The following FKBP9 variants were observed in gnomAD, a reference collection of about 807,000 sequenced individuals.
The protein encoded by FKBP9 is peptidyl-prolyl cis-trans isomerase FKBP9.
Under a neutral mutation model 55.6 loss-of-function variants are expected in FKBP9, and 27 were observed. The observed-to-expected ratio is 0.49, with a 90% confidence interval of 0.36 to 0.67. The LOEUF (loss-of-function observed/expected upper bound fraction) is 0.67, where lower values mean the gene tolerates loss of function less well. Ranked by LOEUF, FKBP9 falls within the 30% of genes least tolerant of loss-of-function variation. The pLI, the probability that FKBP9 is intolerant of heterozygous loss-of-function variation, is 0.00. For synonymous variants in FKBP9, 267 were observed against 296.5 expected, an observed-to-expected ratio of 0.90 and a Z score of 1.02; for missense variants, 539 against 742.8, an observed-to-expected ratio of 0.73 and a Z score of 3.19.
At chr7:33,004,359 C>T (rs917525518) in intron 9 of FKBP9, among the ~76,000 whole-genome samples, 2 of 152,126 alleles carry the variant, frequency 1.3e-5, no homozygotes, top group African/African-American at 4.8e-5. Flanking sequence ...ACTTTCTGCT[C>T]GCTGTAACCT....
At chr7:32,968,366 C>A (rs1326379277) in intron 1 of FKBP9, among the ~76,000 whole-genome samples, 2 of 152,074 alleles carry the variant, frequency 1.3e-5, no homozygotes, top group African/African-American at 4.8e-5. Context: ...GATAGGATTG[C>A]TAGATCATAC....
Position 33,006,275 on chromosome 7 carries a change from G to A in FKBP9, c.*924G>A, listed in dbSNP as rs1269974261. 8 of 188,896 alleles carry A rather than the reference G, an allele frequency of 4.2e-5. No homozygotes were observed. The highest frequency in any genetic ancestry group is 1.2e-4 in the African/African-American group (5 of 42,886). The allele number at this position is 188,896 out of a possible 1,614,324, so 11.7% of individuals were successfully genotyped here. A position where few individuals can be genotyped will look rare whatever the true frequency, so the allele number is the denominator to read the frequency against. On this transcript the variant is annotated 3_prime_UTR_variant, in exon 10 of 10. Coordinates refer to ENST00000242209, the MANE Select transcript of FKBP9 (RefSeq NM_007270.5). ...TGGGACTACAGGTGTGCACCACCAC[G>A]CCCGGCTAATTTTTGTATTTTTAGT... is the stretch of plus-strand genomic sequence containing the variant.
At chr7:32,970,133 C>A (rs1784224660) in intron 1 of FKBP9, among the ~76,000 whole-genome samples, 1 of 151,880 alleles carries the variant, frequency 6.6e-6, no homozygotes, top group Non-Finnish European at 1.5e-5. Flanking sequence ...ACATCTTAGC[C>A]ATATTAAGTC....
chr7:32,973,284 T>C (rs926397457), intron 1 of FKBP9, among the ~76,000 whole-genome samples: 4 of 152,182 alleles, frequency 2.6e-5, no homozygotes, highest in African/African-American at 9.7e-5. Context: ...ACAGCCATGA[T>C]TTCCTTATTT....
At chr7:32,971,751 T>C (rs1784258727) in intron 1 of FKBP9, among the ~76,000 whole-genome samples, 1 of 152,210 alleles carries the variant, frequency 6.6e-6, no homozygotes, top group African/African-American at 2.4e-5. Context: ...GAGTGTGAGA[T>C]TGAGATGGTC....
chr7:32,980,980 A>G lies in FKBP9; in HGVS notation c.893+427A>G, dbSNP rs147214583. ...ATTTCTTTCTTGGGGGCTGTTTTAGATGGTTCTGCAGGAAGACAGGAGAGA... is the reference window on the plus strand; with the variant it reads ...ATTTCTTTCTTGGGGGCTGTTTTAGGTGGTTCTGCAGGAAGACAGGAGAGA... On this transcript the variant is annotated intron_variant, in intron 5 of 9. Transcript: ENST00000242209. Among the ~76,000 whole-genome samples, 1,796 of 149,942 alleles carry G rather than the reference A, an allele frequency of 0.012. 122 individuals are homozygous for G. The East Asian group carries it at 0.2, about 17-fold the overall frequency.
At chr7:32,993,186 T>G (rs1223045292) in intron 6 of FKBP9, 1 of 232,274 alleles carries the variant, frequency 4.3e-6, no homozygotes, top group Admixed American at 5.6e-5. Flanking sequence ...CTTAGCTCAG[T>G]GTTAGAAGTT....
At chr7:32,987,790 C>T (rs1350855802) in intron 5 of FKBP9, among the ~76,000 whole-genome samples, 2 of 152,196 alleles carry the variant, frequency 1.3e-5, no homozygotes, top group East Asian at 3.9e-4. Context: ...TGTGCCACCA[C>T]ATCCAGCTAA....
At chr7:32,986,486 G>A (rs570706538) in intron 5 of FKBP9, among the ~76,000 whole-genome samples, 1 of 152,186 alleles carries the variant, frequency 6.6e-6, no homozygotes, top group African/African-American at 2.4e-5. Flanking sequence ...AGCCGACACG[G>A]TCCTCCTCTT....
At chr7:33,000,091 T>C (rs776355757) in intron 7 of FKBP9, 24 bp from the exon 8 acceptor site, 2 of 1,614,154 alleles carry the variant, frequency 1.2e-6, no homozygotes, top group South Asian at 1.1e-5. Flanking sequence ...TGACCTAACA[T>C]GAGGCTCTTC....
rs111451938 is a variant in FKBP9 at position 33,005,153 on chromosome 7, T to A, written c.1537-22T>A. ...TTCATGGCGGCTGAACTCATGGTCT[T>A]TCCTGTCCCCTTCTTTTCCAGTTCT... On this transcript the variant is annotated intron_variant, in intron 9 of 9. Transcript: ENST00000242209. 17 of 1,610,610 alleles carry A rather than the reference T, an allele frequency of 1.1e-5. No individual in the cohort carries two copies. The African/African-American group carries it at 1.5e-4, about 14-fold the overall frequency.
intron 5 of FKBP9, among the ~76,000 whole-genome samples, chr7:32,980,970 G>T (rs1169636102): frequency 6.7e-6 from 1 of 150,326 alleles, no homozygotes; most frequent in African/African-American, 2.5e-5. Context: ...TTTCTTGGGG[G>T]CTGTTTTAGA....
At chr7:32,987,243 T>A (rs1784597125) in intron 5 of FKBP9, among the ~76,000 whole-genome samples, 1 of 152,172 alleles carries the variant, frequency 6.6e-6, no homozygotes, top group Non-Finnish European at 1.5e-5. Flanking sequence ...AAGCCTGTAA[T>A]TCCACACTTT....
chr7:33,004,914 G>A (rs1419325125), intron 9 of FKBP9, among the ~76,000 whole-genome samples: 1 of 152,106 alleles, frequency 6.6e-6, no homozygotes, highest in Admixed American at 6.5e-5. Context: ...AGAAGGAATA[G>A]CTCTGACGGC....
chr7:32,966,471 T>C (rs1224347933), intron 1 of FKBP9, among the ~76,000 whole-genome samples: 1 of 152,178 alleles, frequency 6.6e-6, no homozygotes, highest in Non-Finnish European at 1.5e-5. Context: ...TTTGCCTTTC[T>C]AGGTCCACCC....
intron 1 of FKBP9, among the ~76,000 whole-genome samples, chr7:32,965,892 G>T (rs1458788370): frequency 9.0e-6 from 1 of 111,258 alleles, no homozygotes; most frequent in African/African-American, 3.2e-5. Context: ...TATAGAGAGA[G>T]AGAGAGAGAG....
chr7:32,978,555 G>T (rs55818420), intron 4 of FKBP9, among the ~76,000 whole-genome samples: 1 of 152,032 alleles, frequency 6.6e-6, no homozygotes, highest in African/African-American at 2.4e-5. Context: ...ACAGTGTCTC[G>T]CTACGTTACC....
Position 32,961,371 on chromosome 7 carries a change from C to T in FKBP9, c.221+3577C>T, listed in dbSNP as rs544058735. ...TTAAACTACATATACTTCTGAATCACGTAGAGAGCTTGTTATACAGTTTCC... is the reference window on the plus strand; with the variant it reads ...TTAAACTACATATACTTCTGAATCATGTAGAGAGCTTGTTATACAGTTTCC... On this transcript the variant is annotated intron_variant, in intron 1 of 9. Coordinates refer to ENST00000242209, the MANE Select transcript of FKBP9 (RefSeq NM_007270.5). Among the ~76,000 whole-genome samples the T allele has an allele frequency of 2.3e-3, 356 of 152,216 alleles. 1 individual carries two copies. The highest frequency in any genetic ancestry group is 4.4e-3 in the Non-Finnish European group (296 of 68,032).
intron 6 of FKBP9, among the ~76,000 whole-genome samples, chr7:32,993,490 T>G (rs1008225789): frequency 2.0e-5 from 3 of 152,220 alleles, no homozygotes; most frequent in Non-Finnish European, 4.4e-5. Context: ...CTTATTTTAC[T>G]TAGCATAATG....
Sources: allele counts gnomAD v4.1 joint callset (sites outside exome capture counted in the v4.1 genomes callset), GRCh38; gene constraint gnomAD v4.1.1; transcripts MANE v1.5; gene names NCBI Gene and HGNC (gene_info 2026-07-23, HGNC 2026-07-21).